The following ZNF829 variants were observed in gnomAD, a reference collection of about 807,000 sequenced individuals.
ZNF829 encodes the protein zinc finger protein 829.
ZNF829 carries 25 observed loss-of-function variants against 35.2 expected under a neutral mutation model. That is an observed-to-expected ratio of 0.71 (90% confidence interval 0.52 to 0.99). The LOEUF (loss-of-function observed/expected upper bound fraction) is 0.99. Among genes scored for constraint, ZNF829 ranks in the 50% least tolerant of loss-of-function variants. ZNF829 has a pLI of 0.00. For missense variants in ZNF829, 417 were observed against 515.3 expected, an observed-to-expected ratio of 0.81 and a Z score of 1.85; for synonymous variants, 136 against 163.2, an observed-to-expected ratio of 0.83 and a Z score of 1.27.
chr19:36,915,948 C>T (rs1298386822), intron 1 of ZNF829, 63 bp downstream of exon 1: 1 of 1,534,450 alleles, frequency 6.5e-7, no homozygotes, highest in African/African-American at 1.4e-5. Flanking sequence ...AAGCCCTTTC[C>T]AGTCATCCCG....
chr19:36,899,106 C>T (rs984569365), intron 5 of ZNF829, among the ~76,000 whole-genome samples: 1 of 152,072 alleles, frequency 6.6e-6, no homozygotes. Context: ...AAACTCTTCA[C>T]CTGAGAAGGG....
chr19:36,902,083 CA>C, intron 5 of ZNF829: 1 of 405,902 alleles, frequency 2.5e-6, no homozygotes. Context: ...TTACCACTTT[CA>C]AAAATCTACA....
At chr19:36,893,959 C>T (rs928057345) in intron 5 of ZNF829, among the ~76,000 whole-genome samples, 1 of 152,152 alleles carries the variant, frequency 6.6e-6, no homozygotes, top group African/African-American at 2.4e-5. Flanking sequence ...TCTTGCCTAC[C>T]TCTACAACCT....
At chr19:36,913,144 T>G (rs183028654) in intron 3 of ZNF829, 2 of 152,330 alleles carry the variant, frequency 1.3e-5, no homozygotes, top group African/African-American at 4.8e-5. Flanking sequence ...TATTTGGGCT[T>G]TGGCACAGGA....
Position 36,907,698 on chromosome 19 carries a change from G to A in ZNF829, c.319+231C>T, listed in dbSNP as rs73626768. On this transcript the variant is annotated intron_variant, in intron 5 of 5. Coordinates refer to ENST00000391711, the MANE Select transcript of ZNF829 (RefSeq NM_001037232.4). ...TGTCTACTGTTATACAAATCTAAAC[G>A]TAGCGTATCATAGGAAGGAATGAAA... is the stretch of plus-strand genomic sequence containing the variant. The A allele has an allele frequency of 5.9e-3, 2,297 of 391,042 alleles. 50 individuals carry two copies. The highest frequency in any genetic ancestry group is 0.044 in the African/African-American group (2,084 of 46,884). 24.2% of individuals were successfully genotyped at this position (391,042 alleles called of 1,614,324 possible). A position where few individuals can be genotyped will look rare whatever the true frequency, so the allele number is the denominator to read the frequency against.
chr19:36,914,366 TA>T (rs1189084220), intron 3 of ZNF829, among the ~76,000 whole-genome samples: 1 of 151,984 alleles, frequency 6.6e-6, no homozygotes, highest in Non-Finnish European at 1.5e-5. Flanking sequence ...TACGAATCAA[TA>T]AGAGCTATTC....
At chr19:36,909,717 G>A (rs2073247332) in intron 3 of ZNF829, among the ~76,000 whole-genome samples, 1 of 151,584 alleles carries the variant, frequency 6.6e-6, no homozygotes, top group African/African-American at 2.4e-5. Flanking sequence ...TGAGGTAGGA[G>A]AATCACTTGA....
chr19:36,911,546 AGT>A (rs2073264718), intron 3 of ZNF829, among the ~76,000 whole-genome samples: 1 of 152,114 alleles, frequency 6.6e-6, no homozygotes, highest in Non-Finnish European at 1.5e-5. Flanking sequence ...AACTCTGGGT[AGT>A]GTCAGAATTC....
At chr19:36,902,908 C>A (rs576648864) in intron 5 of ZNF829, among the ~76,000 whole-genome samples, 1 of 152,044 alleles carries the variant, frequency 6.6e-6, no homozygotes, top group Non-Finnish European at 1.5e-5. Flanking sequence ...TGGTGGCGCA[C>A]GCCTGTAATC....
At chr19:36,894,878 A>T (rs2073097388) in intron 5 of ZNF829, among the ~76,000 whole-genome samples, 2 of 152,190 alleles carry the variant, frequency 1.3e-5, no homozygotes, top group Admixed American at 1.3e-4. Flanking sequence ...ATAAAAACCT[A>T]TTTAACAAAA....
Position 36,916,170 on chromosome 19 carries a change from C to G in ZNF829, c.-244G>C. ...GGCCCACCCGAAACGGCTGCTCCCT[C>G]AACTCTCAACATCCAGCCGAGCCTC... On this transcript the variant is annotated 5_prime_UTR_variant, in exon 1 of 6. Coordinates refer to ENST00000391711, the MANE Select transcript of ZNF829 (RefSeq NM_001037232.4). This position sits in a 1 kb window ranked among gnomAD's most constrained non-coding sequence, Gnocchi z 5.3. 1.9e-6 allele frequency: 1 copy of G among 516,408 alleles called. No individual in the cohort carries two copies. Among genetic ancestry groups the G allele is most frequent in the South Asian group, 2.6e-5 (1 of 38,468 alleles). 32.0% of individuals were successfully genotyped at this position (516,408 alleles called of 1,614,324 possible).
rs374770778 is a variant in ZNF829, at chr19:36,915,037, A to C, written c.39-15T>G. The C allele has an allele frequency of 6.2e-7, 1 of 1,614,002 alleles. No homozygotes were observed. The highest frequency in any genetic ancestry group is 8.5e-7 in the Non-Finnish European group (1 of 1,180,032). On this transcript the variant is annotated splice_polypyrimidine_tract_variant and intron_variant, in intron 2 of 5. Transcript: ENST00000391711. ...CTGGGTGACACCTGGAGAAAGGTAAAATTGGGAGAGGGAAGAGTAACTGTG... is the reference window on the plus strand; with the variant it reads ...CTGGGTGACACCTGGAGAAAGGTAACATTGGGAGAGGGAAGAGTAACTGTG...
Position 36,893,682 on chromosome 19 carries a change from G to T in ZNF829, c.320-1211C>A, listed in dbSNP as rs112581312. Among the ~76,000 whole-genome samples, 488 of 152,220 alleles carry T rather than the reference G, an allele frequency of 3.2e-3. 3 individuals are homozygous for T. Among genetic ancestry groups the T allele is most frequent in the African/African-American group, 0.011 (469 of 41,536 alleles). ...AATGGCTTGAAGACATCAAAATAAAGCCAGCTAGACTATCTTAAGTATTCC... is the reference window on the plus strand; with the variant it reads ...AATGGCTTGAAGACATCAAAATAAATCCAGCTAGACTATCTTAAGTATTCC... On this transcript the variant is annotated intron_variant, in intron 5 of 5. Transcript: ENST00000391711.
In ZNF829 at chr19:36,891,443, TA is replaced by T. The variant is rs768649215; in HGVS notation, c.*48del. 2 of 1,496,856 alleles carry T rather than the reference TA, an allele frequency of 1.3e-6. No homozygotes were observed. Among genetic ancestry groups the T allele is most frequent in the Non-Finnish European group, 1.8e-6 (2 of 1,123,588 alleles). 92.7% of individuals were successfully genotyped at this position (1,496,856 alleles called of 1,614,324 possible). A position where few individuals can be genotyped will look rare whatever the true frequency, so the allele number is the denominator to read the frequency against. On this transcript the variant is annotated 3_prime_UTR_variant, in exon 6 of 6. Coordinates refer to ENST00000391711, the MANE Select transcript of ZNF829 (RefSeq NM_001037232.4). ...CCTAATTTGTTCTCCTTACCTGTTTTAAAAAAATTATTATAAAGGTTAACAA... is the reference window on the plus strand; with the variant it reads ...CCTAATTTGTTCTCCTTACCTGTTTTAAAAAATTATTATAAAGGTTAACAA...
intron 3 of ZNF829, among the ~76,000 whole-genome samples, chr19:36,910,951 G>C (rs1329884667): frequency 6.6e-6 from 1 of 152,146 alleles, no homozygotes; most frequent in Non-Finnish European, 1.5e-5. Flanking sequence ...AGGTTGCAGT[G>C]AGCCGAGATT....
chr19:36,906,045 A>AAG (rs1349121792), intron 5 of ZNF829: 1 of 152,186 alleles, frequency 6.6e-6, no homozygotes, highest in Admixed American at 6.6e-5. Flanking sequence ...TGGAAAAAAA[A>AAG]TGAAATTTGA....
intron 1 of ZNF829, 97 bp from the exon 2 acceptor site, chr19:36,915,348 G>A (rs2073307448): frequency 2.8e-6 from 4 of 1,438,616 alleles, no homozygotes; most frequent in African/African-American, 1.4e-5. Flanking sequence ...CACACTTAAG[G>A]CGACATGCAC....
At position 36,891,475 on chromosome 19, in the gene ZNF829, TCTTA is replaced by T; in HGVS notation, c.*13_*16del. ...ATTATTATAAAGGTTAACAAAATGG[TCTTA>T]CTTTACTGTCATTCAACCAGTATGA... On this transcript the variant is annotated 3_prime_UTR_variant, in exon 6 of 6. Coordinates refer to ENST00000391711, the MANE Select transcript of ZNF829 (RefSeq NM_001037232.4). 6.6e-7 allele frequency: 1 copy of T among 1,521,832 alleles called. No homozygotes were observed. The highest frequency in any genetic ancestry group is 8.8e-7 in the Non-Finnish European group (1 of 1,138,632). 94.3% of individuals were successfully genotyped at this position (1,521,832 alleles called of 1,614,324 possible).
intron 3 of ZNF829, among the ~76,000 whole-genome samples, chr19:36,913,647 T>C (rs2073282157): frequency 6.6e-6 from 1 of 152,054 alleles, no homozygotes; most frequent in African/African-American, 2.4e-5. Flanking sequence ...TATGTTTAGT[T>C]AGAACCTGAG....
Sources: gnomAD v4.1 joint callset for allele counts (sites outside exome capture counted in the v4.1 genomes callset) on GRCh38, gnomAD v4.1.1 for gene constraint, Gnocchi (gnomAD v3.1) non-coding constraint, MANE v1.5 for transcripts, NCBI Gene and HGNC (gene_info 2026-07-23, HGNC 2026-07-21) for gene names.